CSMD1: variants seen among roughly 807,000 people sequenced by gnomAD.
CSMD1 encodes the protein CUB and Sushi multiple domains 1, also known as CUB and sushi domain-containing protein 1.
In CSMD1, 213 loss-of-function variants were observed where a neutral mutation model predicts 417.5. The observed-to-expected ratio is 0.51, with a 90% CI of 0.46 to 0.57. CSMD1 has a LOEUF of 0.57. CSMD1 is among the 20% of genes least tolerant of loss of function. The pLI, the probability that CSMD1 is intolerant of heterozygous loss-of-function variation, is 0.00. For synonymous variants in CSMD1, 2,862 were observed against 1,736.8 expected, an observed-to-expected ratio of 1.65 and a Z score of -16.11; for missense variants, 6,923 against 4,529.7, an observed-to-expected ratio of 1.53 and a Z score of -15.17.
Position 4,061,934 on chromosome 8 carries a change from C to T in CSMD1, c.416-29835G>A, listed in dbSNP as rs116130510. 1.9e-3 allele frequency among the ~76,000 whole-genome samples: 283 copies of T among 152,210 alleles called. 1 individual carries two copies. The highest frequency in any genetic ancestry group is 6.4e-3 in the African/African-American group (267 of 41,542). ...AAATCAATTATGCATTACTGACTAACGAAAGATTCTTCATCAGCATTATCT... is the reference window on the plus strand; with the variant it reads ...AAATCAATTATGCATTACTGACTAATGAAAGATTCTTCATCAGCATTATCT... On this transcript the variant is annotated intron_variant, in intron 3 of 69. Transcript: ENST00000635120.
At chr8:4,890,084 C>T (rs574040078) in intron 1 of CSMD1, among the ~76,000 whole-genome samples, 1 of 152,098 alleles carries the variant, frequency 6.6e-6, no homozygotes, top group Non-Finnish European at 1.5e-5. Context: ...GTTTATACGT[C>T]AGAAACTAGT....
chr8:3,049,110 G>A (rs1353176660), intron 50 of CSMD1, among the ~76,000 whole-genome samples: 1 of 152,130 alleles, frequency 6.6e-6, no homozygotes, highest in South Asian at 2.1e-4. Context: ...TGGGGCAACA[G>A]GAACTCTCAC....
chr8:3,250,569 T>C (rs1035832951), intron 26 of CSMD1, among the ~76,000 whole-genome samples: 4 of 152,208 alleles, frequency 2.6e-5, no homozygotes, highest in Non-Finnish European at 5.9e-5. Flanking sequence ...TTTGTGTATA[T>C]ACCCAGTAAT....
chr8:4,376,545 T>G (rs1802753130), intron 3 of CSMD1, among the ~76,000 whole-genome samples: 1 of 152,198 alleles, frequency 6.6e-6, no homozygotes, highest in Admixed American at 6.5e-5. Flanking sequence ...TTAATTTAAT[T>G]TTATCTCATA....
chr8:3,181,407 T>C (rs950448213), intron 36 of CSMD1, among the ~76,000 whole-genome samples, 193 bp from the exon 37 acceptor site: 37 of 152,248 alleles, frequency 2.4e-4, no homozygotes, highest in African/African-American at 8.7e-4. Flanking sequence ...AAGTTACCCA[T>C]TGTCTGCTCT....
intron 62 of CSMD1, among the ~76,000 whole-genome samples, chr8:2,958,209 A>C (rs761480585): frequency 1.3e-5 from 2 of 152,072 alleles, no homozygotes; most frequent in African/African-American, 4.8e-5. Flanking sequence ...GTCAACTCCT[A>C]CTCATACAGA....
chr8:4,051,250 G>C (rs73658558), intron 3 of CSMD1, among the ~76,000 whole-genome samples: 1 of 151,334 alleles, frequency 6.6e-6, no homozygotes, highest in African/African-American at 2.4e-5. Flanking sequence ...CAAGCTTCCT[G>C]GATTTCTTCA....
intron 3 of CSMD1, among the ~76,000 whole-genome samples, chr8:4,205,901 G>A (rs144799904): frequency 6.6e-6 from 1 of 152,104 alleles, no homozygotes; most frequent in Admixed American, 6.6e-5. Flanking sequence ...CAGAAAATCA[G>A]TACCGAGTCC....
intron 57 of CSMD1, among the ~76,000 whole-genome samples, chr8:2,971,320 A>G (rs375026297): frequency 6.6e-6 from 1 of 152,110 alleles, no homozygotes; most frequent in Non-Finnish European, 1.5e-5. Flanking sequence ...GTAGGACCCA[A>G]TCCGAGACCA....
intron 3 of CSMD1, among the ~76,000 whole-genome samples, chr8:4,307,051 T>C (rs960437323): frequency 2.0e-5 from 3 of 152,040 alleles, no homozygotes; most frequent in East Asian, 1.9e-4. Context: ...GGGTTTATGG[T>C]ATCCTCATCA....
chr8:4,771,841 G>T (rs1368356135), intron 1 of CSMD1, among the ~76,000 whole-genome samples: 1 of 152,088 alleles, frequency 6.6e-6, no homozygotes, highest in African/African-American at 2.4e-5. Flanking sequence ...CTTTTCTGTT[G>T]TGGTTTTAAT....
At chr8:4,801,238 C>A (rs762788241) in intron 1 of CSMD1, among the ~76,000 whole-genome samples, 15 of 152,188 alleles carry the variant, frequency 9.9e-5, no homozygotes, top group Non-Finnish European at 7.3e-5. Context: ...ACCTTGAGGA[C>A]TGATCTATGA....
At chr8:3,083,524 G>A (rs1420600634) in intron 49 of CSMD1, among the ~76,000 whole-genome samples, 1 of 142,802 alleles carries the variant, frequency 7.0e-6, no homozygotes, top group Non-Finnish European at 1.5e-5. Flanking sequence ...CAGTAAGGAA[G>A]TCGCTTAATC....
chr8:3,580,861 A>G (rs1278212629), intron 9 of CSMD1, among the ~76,000 whole-genome samples: 2 of 152,230 alleles, frequency 1.3e-5, no homozygotes, highest in African/African-American at 4.8e-5. Flanking sequence ...CAAGGGCAGA[A>G]AACACCAATG....
intron 1 of CSMD1, among the ~76,000 whole-genome samples, chr8:4,784,875 T>C (rs1436729268): frequency 6.6e-6 from 1 of 152,226 alleles, no homozygotes; most frequent in Non-Finnish European, 1.5e-5. Flanking sequence ...TGCTGAGGTC[T>C]ATTCCAGCCC....
chr8:4,201,210 G>C (rs962674517), intron 3 of CSMD1, among the ~76,000 whole-genome samples: 41 of 152,110 alleles, frequency 2.7e-4, no homozygotes, highest in Non-Finnish European at 8.8e-5. Context: ...CCAATACATG[G>C]CACAAAGAAA....
intron 3 of CSMD1, among the ~76,000 whole-genome samples, chr8:4,236,738 G>A (rs1409407253): frequency 1.3e-5 from 2 of 152,258 alleles, no homozygotes; most frequent in Admixed American, 6.5e-5. Flanking sequence ...TTCGAAGACT[G>A]CTGGATTAAA....
Position 3,387,655 on chromosome 8 carries a change from A to C in CSMD1, c.2621T>G (p.Leu874Arg), listed in dbSNP as rs750228676. 12 of 1,599,806 alleles carry C rather than the reference A, an allele frequency of 7.5e-6. No individual in the cohort carries two copies. Among genetic ancestry groups the C allele is most frequent in the Admixed American group, 1.7e-5 (1 of 58,038 alleles). Residue 874 changes from leucine to arginine, a missense_variant, in exon 18 of 70, where the codon CTG becomes CGG. Coordinates refer to ENST00000635120, the MANE Select transcript of CSMD1 (RefSeq NM_033225.6). Reference protein sequence around the residue: ...ESVTLESDSCLDPGIPVNGHR... With the variant: ...ESVTLESDSCRDPGIPVNGHR... ...GCCGTTCACAGGGATGCCCGGGTCC[A>C]GGCAGGAATCCGACTCAAGCGTCAC...
intron 2 of CSMD1, among the ~76,000 whole-genome samples, chr8:4,597,923 G>C (rs1003681159): frequency 4.0e-5 from 6 of 151,810 alleles, no homozygotes; most frequent in Non-Finnish European, 7.4e-5. Flanking sequence ...TAAAATTATG[G>C]CTGCTCTTAT....
Sources: allele counts gnomAD v4.1 joint callset (sites outside exome capture counted in the v4.1 genomes callset), GRCh38; gene constraint gnomAD v4.1.1; transcripts MANE v1.5; gene names NCBI Gene and HGNC (gene_info 2026-07-23, HGNC 2026-07-21).